The following ACOT12 variants were observed in gnomAD, a reference collection of about 807,000 sequenced individuals.
The protein encoded by ACOT12 is acetyl-coenzyme A thioesterase.
A neutral mutation model predicts 67.7 loss-of-function variants in ACOT12; 51 were observed. That is an observed-to-expected ratio of 0.75 (90% confidence interval 0.60 to 0.95). The LOEUF is 0.95. ACOT12 is among the 40% of genes least tolerant of loss of function. The pLI is 0.00. For missense variants in ACOT12, 734 were observed against 708.1 expected (o/e 1.04, Z -0.41); for synonymous variants, 251 against 244.6 (o/e 1.03, Z -0.24).
At chr5:81,325,488 G>A (rs1317220780), downstream of ACOT12, among the ~76,000 whole-genome samples, 1 of 152,210 alleles carries the variant, frequency 6.6e-6, no homozygotes, top group Non-Finnish European at 1.5e-5. Flanking sequence ...TGAATGAAAG[G>A]ACAGAGGTGC....
chr5:81,356,808 C>T (rs1759730836), intron 5 of ACOT12, among the ~76,000 whole-genome samples: 2 of 151,844 alleles, frequency 1.3e-5, no homozygotes, highest in African/African-American at 2.4e-5. Context: ...TCCCTCCTGT[C>T]TCTCCCCACT....
the ACOT12 span, among the ~76,000 whole-genome samples, chr5:81,309,604 G>A: frequency 6.6e-6 from 1 of 152,178 alleles, no homozygotes; most frequent in African/African-American, 2.4e-5. Flanking sequence ...GGTGCCATCA[G>A]GCTCTAGACG....
intron 11 of ACOT12, among the ~76,000 whole-genome samples, chr5:81,337,916 A>G (rs1759054538): frequency 1.3e-5 from 2 of 152,202 alleles, no homozygotes; most frequent in African/African-American, 2.4e-5. Context: ...CATCAAGCTA[A>G]GTTGTAACCA....
chr5:81,346,249 G>C (rs953387568), intron 6 of ACOT12, among the ~76,000 whole-genome samples: 1 of 152,162 alleles, frequency 6.6e-6, no homozygotes, highest in African/African-American at 2.4e-5. Flanking sequence ...TCCTACTCTT[G>C]TCTCGTTTCC....
downstream of ACOT12, among the ~76,000 whole-genome samples, chr5:81,327,215 C>CATATATATAATATATAT (rs1405351554): frequency 4.2e-3 from 602 of 144,392 alleles, 5 homozygotes; most frequent in African/African-American, 0.015. Context: ...TATACACACA[C>CATATATATAATATATAT]ACACACATAT....
intron 5 of ACOT12, among the ~76,000 whole-genome samples, chr5:81,358,629 C>T (rs1383921539): frequency 6.6e-6 from 1 of 152,312 alleles, no homozygotes; most frequent in Non-Finnish European, 1.5e-5. Flanking sequence ...GCAGGCGGAT[C>T]ACCTGAGGTT....
chr5:81,349,181 G>C (rs1361136201), intron 5 of ACOT12, among the ~76,000 whole-genome samples: 1 of 152,180 alleles, frequency 6.6e-6, no homozygotes, highest in Non-Finnish European at 1.5e-5. Flanking sequence ...CAGAAGGGTA[G>C]TCACAGAAAC....
rs1758769398 is a variant in ACOT12, at chr5:81,330,207, C to T, written c.*187G>A. Reference sequence around the variant, plus strand: ...TGACTTACAACAGAATTCTAAAGCTCTTTTAATGCTAATCCAAATCACTGG... The same window carrying T: ...TGACTTACAACAGAATTCTAAAGCTTTTTTAATGCTAATCCAAATCACTGG... On this transcript the variant is annotated 3_prime_UTR_variant, in exon 15 of 15. Transcript: ENST00000307624. The T allele has an allele frequency of 1.7e-6, 1 of 600,792 alleles. No homozygotes were observed. Among genetic ancestry groups the T allele is most frequent in the Non-Finnish European group, 2.7e-6 (1 of 370,872 alleles). 37.2% of individuals were successfully genotyped at this position (600,792 alleles called of 1,614,324 possible). A position where few individuals can be genotyped will look rare whatever the true frequency, so the allele number is the denominator to read the frequency against.
At position 81,378,750 on chromosome 5, in the gene ACOT12, T is replaced by G. The variant is rs149686598; in HGVS notation, c.198-6940A>C. Among the ~76,000 whole-genome samples, 110 of 152,302 alleles carry G rather than the reference T, an allele frequency of 7.2e-4. 1 individual carries two copies. In the East Asian group the frequency reaches 0.02, roughly 28 times the overall value. ...AGAAAAAAAGCTCATCATCACTGGT[T>G]ATTAGAGAAATGCAAATCAAAACCA... is the stretch of plus-strand genomic sequence containing the variant. On this transcript the variant is annotated intron_variant, in intron 2 of 14. Coordinates refer to ENST00000307624, the MANE Select transcript of ACOT12 (RefSeq NM_130767.3).
intron 11 of ACOT12, among the ~76,000 whole-genome samples, chr5:81,339,261 G>T (rs1219130990): frequency 2.6e-5 from 4 of 152,200 alleles, no homozygotes; most frequent in African/African-American, 9.7e-5. Flanking sequence ...CAAGCGGGTG[G>T]GGGTCGGAAG....
the ACOT12 span, chr5:81,312,494 G>A: frequency 1.4e-6 from 2 of 1,380,506 alleles, no homozygotes; most frequent in South Asian, 1.2e-5. Flanking sequence ...CTGAGTGGAT[G>A]CATTTGATTA....
chr5:81,346,926 C>G (rs1759399202), intron 6 of ACOT12, among the ~76,000 whole-genome samples: 1 of 152,134 alleles, frequency 6.6e-6, no homozygotes, highest in African/African-American at 2.4e-5. Context: ...AGAGTGTTCC[C>G]TAAAACTGCT....
intron 2 of ACOT12, among the ~76,000 whole-genome samples, chr5:81,383,691 T>C (rs1434448061): frequency 6.6e-6 from 1 of 151,650 alleles, no homozygotes; most frequent in Non-Finnish European, 1.5e-5. Flanking sequence ...CCTAAGGTAA[T>C]GTATGTGTTT....
chr5:81,354,398 TTGTC>T (rs1759645570), intron 5 of ACOT12, among the ~76,000 whole-genome samples: 1 of 152,210 alleles, frequency 6.6e-6, no homozygotes, highest in Admixed American at 6.5e-5. Flanking sequence ...TGCAGACAAA[TTGTC>T]TGCTGCTGAT....
intron 5 of ACOT12, among the ~76,000 whole-genome samples, chr5:81,358,889 C>T (rs1029601718): frequency 2.0e-5 from 3 of 151,912 alleles, no homozygotes; most frequent in African/African-American, 4.8e-5. Flanking sequence ...TGGGTATTGC[C>T]CTTTGAAAGG....
intron 11 of ACOT12, 60 bp from the exon 12 acceptor site, chr5:81,335,961 C>T (rs1165174491): frequency 6.6e-7 from 1 of 1,525,764 alleles, no homozygotes; most frequent in Non-Finnish European, 8.9e-7. Flanking sequence ...CTTTAGAAAC[C>T]ATATGCATAT....
chr5:81,383,057 T>G (rs1760631501), intron 2 of ACOT12, among the ~76,000 whole-genome samples: 1 of 152,158 alleles, frequency 6.6e-6, no homozygotes, highest in Non-Finnish European at 1.5e-5. Context: ...TCTATGATCA[T>G]TAGATATCAT....
chr5:81,389,654 G>A (rs1157577659), intron 1 of ACOT12, among the ~76,000 whole-genome samples: 2 of 152,034 alleles, frequency 1.3e-5, no homozygotes, highest in South Asian at 4.1e-4. Flanking sequence ...AGCCTCCTGA[G>A]TAGCTGGGAA....
chr5:81,332,705 TG>T, intron 12 of ACOT12, 100 bp from the exon 13 acceptor site: 1 of 1,432,296 alleles, frequency 7.0e-7, no homozygotes, highest in Non-Finnish European at 9.6e-7. Flanking sequence ...TATCCATATT[TG>T]CCCCTTCAGC....
Sources: allele counts gnomAD v4.1 joint callset (sites outside exome capture counted in the v4.1 genomes callset), GRCh38; gene constraint gnomAD v4.1.1; transcripts MANE v1.5; gene names NCBI Gene and HGNC (gene_info 2026-07-23, HGNC 2026-07-21).